IL17REL: variants seen among roughly 807,000 people sequenced by gnomAD.
The protein encoded by IL17REL is interleukin-17 receptor E-like protein.
IL17REL carries 36 observed loss-of-function variants against 49.0 expected under a neutral mutation model. The observed-to-expected ratio is 0.73, with a 90% CI of 0.56 to 0.97. The LOEUF (loss-of-function observed/expected upper bound fraction) is 0.97. IL17REL is among the 50% of genes least tolerant of loss of function. The pLI, the probability that IL17REL is intolerant of heterozygous loss-of-function variation, is 0.00. For missense variants in IL17REL, 470 were observed against 453.9 expected (o/e 1.04, Z -0.32); for synonymous variants, 206 against 192.4 (o/e 1.07, Z -0.58).
intron 10 of IL17REL, 49 bp downstream of exon 12, chr22:49,997,636 G>A (rs759285895): frequency 1.5e-5 from 24 of 1,553,658 alleles, no homozygotes; most frequent in Non-Finnish European, 2.1e-5. Context: ...GTGATATAAA[G>A]GATGTTCTGT....
At chr22:49,998,737 G>T (rs1280368894) in intron 7 of IL17REL, among the ~76,000 whole-genome samples, 2 of 150,800 alleles carry the variant, frequency 1.3e-5, no homozygotes, top group Non-Finnish European at 3.0e-5. Context: ...GTGTATGGGT[G>T]TGTATGTGCA....
At chr22:49,994,336 C>CAGAG (rs1406617910), downstream of IL17REL, among the ~76,000 whole-genome samples, 1 of 136,366 alleles carries the variant, frequency 7.3e-6, no homozygotes, top group Non-Finnish European at 1.6e-5. Context: ...AATCCACTCC[C>CAGAG]AGAGACCCGG....
upstream of IL17REL, among the ~76,000 whole-genome samples, chr22:50,010,474 G>A (rs1340444088): frequency 2.0e-5 from 3 of 152,234 alleles, no homozygotes; most frequent in Non-Finnish European, 4.4e-5. Context: ...ACTGCAGGGG[G>A]GCAGTGGCGT....
intron 1 of IL17REL, 62 bp from the exon 3 acceptor site, chr22:50,001,293 T>A: frequency 1.4e-6 from 1 of 736,956 alleles, no homozygotes; most frequent in South Asian, 1.7e-5. Context: ...GCTTTGTGGG[T>A]GGTTCTGGGA....
At chr22:50,006,131 C>A (rs2061109217) in intron 1 of IL17REL, among the ~76,000 whole-genome samples, 1 of 152,064 alleles carries the variant, frequency 6.6e-6, no homozygotes, top group Non-Finnish European at 1.5e-5. Context: ...TGAGGAAGAA[C>A]TTCCCCACGT....
exon 3 of IL17REL, chr22:50,000,847 C>T (rs757158163): frequency 1.1e-5 from 18 of 1,568,934 alleles, no homozygotes; most frequent in Non-Finnish European, 1.4e-5. Context: ...CACAGGCCTC[C>T]AGGCCCCGCA....
chr22:49,993,876 G>A (rs2061018277), downstream of IL17REL, among the ~76,000 whole-genome samples: 1 of 152,148 alleles, frequency 6.6e-6, no homozygotes, highest in Non-Finnish European at 1.5e-5. The surrounding 1 kb of genome is among the most constrained non-coding windows in gnomAD (Gnocchi z 6.0). Context: ...GGAGGCAGGA[G>A]CAGGAACCTG....
chr22:49,998,182 G>A (rs144764316), exon 8 of IL17REL: 21 of 1,610,396 alleles, frequency 1.3e-5, no homozygotes, highest in East Asian at 4.5e-5. Context: ...TACGGCAGCC[G>A]GCCCCCGGCC....
rs781048956 is a variant in IL17REL at position 49,998,123 on chromosome 22, G to C, written c.774+14C>G. The C allele has an allele frequency of 1.2e-6, 2 of 1,600,180 alleles. No individual in the cohort carries two copies. Among genetic ancestry groups the C allele is most frequent in the East Asian group, 4.5e-5 (2 of 44,736 alleles). ...ATCCATGCCCACCCCCATCCCTGCTGAGCAGGCACTCACTCTGCGATGCAC... is the reference window on the plus strand; with the variant it reads ...ATCCATGCCCACCCCCATCCCTGCTCAGCAGGCACTCACTCTGCGATGCAC... On this transcript the variant is annotated intron_variant, in intron 8 of 12. Coordinates refer to ENST00000341280, the Ensembl canonical transcript of IL17REL.
chr22:50,012,593 C>T (rs903561249), upstream of IL17REL: 1 of 152,356 alleles, frequency 6.6e-6, no homozygotes, highest in African/African-American at 2.4e-5. Flanking sequence ...TGGCCAGGCT[C>T]TGGAAAGTGC....
chr22:49,993,375 G>C (rs530911938), downstream of IL17REL, among the ~76,000 whole-genome samples: 134 of 152,334 alleles, frequency 8.8e-4, no homozygotes, highest in Non-Finnish European at 1.7e-3. The surrounding 1 kb of genome is among the most constrained non-coding windows in gnomAD (Gnocchi z 6.0). Context: ...GGGGCCCGGG[G>C]TCCTCAGCAC....
chr22:50,008,220 A>C (rs1226527212), intron 1 of IL17REL, among the ~76,000 whole-genome samples: 1 of 152,230 alleles, frequency 6.6e-6, no homozygotes, highest in Non-Finnish European at 1.5e-5. Context: ...TGGCATCTGC[A>C]TCACTCAGAG....
At position 50,000,457 on chromosome 22, in the gene IL17REL, AG is replaced by A. The variant is rs772334255; in HGVS notation, c.334+20del. On this transcript the variant is annotated intron_variant, in intron 4 of 12. Transcript: ENST00000341280. Reference sequence around the variant, plus strand: ...TGGAGGCTGAACGGTAGCTGTGCTCAGGGGGCCCTGGGGACCCTACCTTCCA... The same window carrying A: ...TGGAGGCTGAACGGTAGCTGTGCTCAGGGGCCCTGGGGACCCTACCTTCCA... 2.6e-5 allele frequency: 41 copies of A among 1,559,436 alleles called. No individual in the cohort carries two copies. The East Asian group carries it at 6.1e-4, about 23-fold the overall frequency.
Position 49,998,152 on chromosome 22 carries a change from CT to C in IL17REL, c.758del (p.Gln253ArgfsTer20). 1.2e-6 allele frequency: 2 copies of C among 1,606,668 alleles called. No individual in the cohort carries two copies. Among genetic ancestry groups the C allele is most frequent in the Non-Finnish European group, 1.7e-6 (2 of 1,177,086 alleles). ...AGGCACTCACTCTGCGATGCACCAG[CT>C]GGCTGGATTGCTGCAGCTTACGGCA... On this transcript the variant is annotated frameshift_variant, in exon 8 of 13. Coordinates refer to ENST00000341280, the Ensembl canonical transcript of IL17REL. LOFTEE classifies it high-confidence loss of function.
chr22:49,996,236 C>G (rs1393577740), exon 13 of IL17REL: 1 of 152,274 alleles, frequency 6.6e-6, no homozygotes, highest in Non-Finnish European at 1.5e-5. Context: ...CCACCCCCTC[C>G]CACCCCTCCC....
chr22:50,010,664 C>T (rs1344937247), upstream of IL17REL, among the ~76,000 whole-genome samples: 3 of 152,194 alleles, frequency 2.0e-5, no homozygotes, highest in South Asian at 2.1e-4. Context: ...GACTCTGAAG[C>T]CCACCCAGGG....
rs940112321 is a variant in IL17REL, at chr22:50,001,249, G to T, written c.-41-18C>A. ...AATGTTCCCTGGGGAGGGAGAAGGA[G>T]CGTGAGGCCTCGAGTTCCCTGGTGC... On this transcript the variant is annotated intron_variant, in intron 1 of 12. Coordinates refer to ENST00000341280, the Ensembl canonical transcript of IL17REL. 3.6e-6 allele frequency: 4 copies of T among 1,120,328 alleles called. No homozygotes were observed. The African/African-American group carries it at 6.2e-5, about 17-fold the overall frequency. The allele number at this position is 1,120,328 out of a possible 1,614,324, so 69.4% of individuals were successfully genotyped here.
chr22:49,998,022 C>A lies in IL17REL; in HGVS notation c.819+3G>T. 1 of 1,595,872 alleles carries A rather than the reference C, an allele frequency of 6.3e-7. No individual in the cohort carries two copies. Among genetic ancestry groups the A allele is most frequent in the South Asian group, 1.1e-5 (1 of 89,210 alleles). On this transcript the variant is annotated splice_donor_region_variant and intron_variant, in intron 9 of 12. Transcript: ENST00000341280. ...GCACTGGCAGGCTGTGGCAGCCCCT[C>A]ACCTTCAGGCAGAGCTGGGGCTGGG...
Position 50,000,746 on chromosome 22 carries a change from G to T in IL17REL, c.219+8C>A. On this transcript the variant is annotated splice_region_variant and intron_variant, in intron 3 of 12. Transcript: ENST00000341280. ...GACTTGGGTGGCAGAGCCCTGCCTT[G>T]GCCTCACCTGCTGCCCCCCCTGCTG... 6.3e-7 allele frequency: 1 copy of T among 1,579,880 alleles called. No individual in the cohort carries two copies. The highest frequency in any genetic ancestry group is 8.6e-7 in the Non-Finnish European group (1 of 1,163,740).
Sources: gnomAD v4.1 joint callset for allele counts (sites outside exome capture counted in the v4.1 genomes callset) on GRCh38, gnomAD v4.1.1 for gene constraint, Gnocchi (gnomAD v3.1) non-coding constraint, MANE v1.5 for transcripts, NCBI Gene and HGNC (gene_info 2026-07-23, HGNC 2026-07-21) for gene names.